Variants in CYB5R2 observed in about 807,000 individuals in gnomAD.
CYB5R2 encodes NADH-cytochrome b5 reductase 2.
In CYB5R2, 35 loss-of-function variants were observed where a neutral mutation model predicts 29.8. The ratio of observed to expected loss-of-function variants is 1.17; its 90% confidence interval spans 0.90 to 1.56. CYB5R2 has a LOEUF of 1.56. Among genes scored for constraint, CYB5R2 ranks in the 40% most tolerant of loss-of-function variants. The pLI is 0.00. For synonymous variants in CYB5R2, 169 were observed against 130.6 expected (o/e 1.29, Z -2.01); for missense variants, 419 against 346.7 (o/e 1.21, Z -1.66).
rs116522734 is a variant in CYB5R2 at position 7,672,938 on chromosome 11, G to A, written c.-66-47C>T. On this transcript the variant is annotated intron_variant, in intron 1 of 8. Transcript: ENST00000299498. ...GAGCACCTCAGGTCTTGCCCGCCCT[G>A]GACAGGGCAGCTCTCAGGCGCAGAA... The A allele has an allele frequency of 5.4e-4, 842 of 1,561,402 alleles. 8 individuals carry two copies. In the African/African-American group the frequency reaches 9.9e-3, roughly 18 times the overall value.
At position 7,672,776 on chromosome 11, in the gene CYB5R2, T is replaced by C; in HGVS notation, c.50A>G (p.Lys17Arg). 1 of 1,614,204 alleles carries C rather than the reference T, an allele frequency of 6.2e-7. No homozygotes were observed. The highest frequency in any genetic ancestry group is 8.5e-7 in the Non-Finnish European group (1 of 1,180,044). The change falls in exon 2 of 9, where the codon AAG becomes AGG. Residue 17 changes from lysine to arginine, a missense_variant. Lys to Arg is a conservative substitution (Grantham distance 26, BLOSUM62 2). Coordinates refer to ENST00000299498, the MANE Select transcript of CYB5R2 (RefSeq NM_016229.5). ...EPITLQDPEA[K>R]YPLPLIEKEK... ...TTTCTCAATCAAGGGCAGCGGGTACTTGGCTTCAGGGTCCTGTAAGGTGAT... is the reference window on the plus strand; with the variant it reads ...TTTCTCAATCAAGGGCAGCGGGTACCTGGCTTCAGGGTCCTGTAAGGTGAT...
chr11:7,669,384 G>T, intron 4 of CYB5R2, 50 bp from the exon 5 acceptor site: 2 of 1,564,688 alleles, frequency 1.3e-6, no homozygotes, highest in East Asian at 2.2e-5. Flanking sequence ...CAATGCCACA[G>T]CCACGTACAA....
chr11:7,670,684 T>C (rs77858117), intron 3 of CYB5R2: 2,698 of 152,338 alleles, frequency 0.018, 35 homozygotes, highest in Non-Finnish European at 0.029. Context: ...CAGAGACCTA[T>C]GGATCATGAC....
In CYB5R2 at chr11:7,669,652, GTCA is replaced by G. The variant is rs1184316914; in HGVS notation, c.228_230del (p.Asp77del). 2 of 1,609,652 alleles carry G rather than the reference GTCA, an allele frequency of 1.2e-6. No homozygotes were observed. The highest frequency in any genetic ancestry group is 2.2e-5 in the East Asian group (1 of 44,862). On this transcript the variant is annotated inframe_deletion, in exon 4 of 9. Transcript: ENST00000299498. ...TTATAATTAGGTCCACAAAGCCTCTGTCATCATCACTGGAGACAGGGGTGTAAG... is the reference window on the plus strand; with the variant it reads ...TTATAATTAGGTCCACAAAGCCTCTGTCATCACTGGAGACAGGGGTGTAAG...
At position 7,666,490 on chromosome 11, in the gene CYB5R2, G is replaced by T. The variant is rs1855237357; in HGVS notation, c.619C>A (p.Gln207Lys). Residue 207 changes from glutamine (Q) to lysine (K), a missense_variant, in exon 8 of 9, where the codon CAG (glutamine) becomes AAG (lysine). By Grantham distance (53) the Gln-to-Lys change is moderately conservative. Coordinates refer to ENST00000299498, the MANE Select transcript of CYB5R2 (RefSeq NM_016229.5). Reference sequence around the variant, plus strand: ...TCCAGGGTGTACCACAGGTTGAACTGGTCTGGGTGAGTCCTGGCAATTTCT... The same window carrying T: ...TCCAGGGTGTACCACAGGTTGAACTTGTCTGGGTGAGTCCTGGCAATTTCT... ...LEEIARTHPD[Q>K]FNLWYTLDRP... is the part of the protein sequence containing the mutation. The T allele has an allele frequency of 6.2e-7, 1 of 1,613,478 alleles. No homozygotes were observed. Among genetic ancestry groups the T allele is most frequent in the Non-Finnish European group, 8.5e-7 (1 of 1,179,522 alleles).
chr11:7,665,651 G>A lies in CYB5R2; in HGVS notation c.659-105C>T, dbSNP rs926344220. On this transcript the variant is annotated intron_variant, in intron 8 of 8. Transcript: ENST00000299498. ...TCAGCCAGGGAGGAGGTGACAAGCT[G>A]CTCTACAAAGGCTTAGAAGTCTGTA... 2.7e-5 allele frequency: 35 copies of A among 1,290,526 alleles called. No homozygotes were observed. The East Asian group carries it at 8.0e-4, about 29-fold the overall frequency. The allele number at this position is 1,290,526 out of a possible 1,614,324, so 79.9% of individuals were successfully genotyped here.
intron 1 of CYB5R2, 68 bp downstream of exon 1, chr11:7,673,351 G>C: frequency 2.9e-6 from 3 of 1,017,060 alleles, no homozygotes; most frequent in Non-Finnish European, 3.5e-6. Context: ...CAGTCTCCTG[G>C]ACAGGGCGAA....
chr11:7,669,658 ATCACTGGAGACAG>A lies in CYB5R2; in HGVS notation c.212_224del (p.Pro71LeufsTer9). 6.2e-7 allele frequency: 1 copy of A among 1,610,696 alleles called. No individual in the cohort carries two copies. The highest frequency in any genetic ancestry group is 8.5e-7 in the Non-Finnish European group (1 of 1,178,778). On this transcript the variant is annotated frameshift_variant, in exon 4 of 9. Coordinates refer to ENST00000299498, the MANE Select transcript of CYB5R2 (RefSeq NM_016229.5). LOFTEE classifies it high-confidence loss of function. Reference sequence around the variant, plus strand: ...TTAGGTCCACAAAGCCTCTGTCATCATCACTGGAGACAGGGGTGTAAGCCCTGACCACCAATTC... The same window carrying A: ...TTAGGTCCACAAAGCCTCTGTCATCAGGGTGTAAGCCCTGACCACCAATTC...
intron 8 of CYB5R2, 86 bp from the exon 9 acceptor site, chr11:7,665,632 A>G: frequency 7.2e-7 from 1 of 1,396,994 alleles, no homozygotes; most frequent in Non-Finnish European, 9.6e-7. Context: ...ACCCTCAGCC[A>G]GGGAGGAGGT....
rs1855057387 is a variant in CYB5R2, at chr11:7,665,438, T to C, written c.767A>G (p.Gln256Arg). The C allele has an allele frequency of 1.9e-6, 3 of 1,613,154 alleles. No individual in the cohort carries two copies. The highest frequency in any genetic ancestry group is 2.5e-6 in the Non-Finnish European group (3 of 1,179,730). ...CTCCAGGTTAGGGTGAGCCGCCGTC[T>C]GGATTAGTGGTGGCGGGCCACACAC... is the stretch of plus-strand genomic sequence containing the variant. ...ILVCGPPPLI[Q>R]TAAHPNLEKL... is the part of the protein sequence containing the mutation. The change falls in exon 9 of 9, where the codon CAG becomes CGG. Residue 256 changes from glutamine to arginine, a missense_variant. Physicochemically the swap from Gln to Arg is conservative, Grantham distance 43 (BLOSUM62 1). Transcript: ENST00000299498.
intron 6 of CYB5R2, 118 bp downstream of exon 6, chr11:7,668,360 C>G: frequency 1.2e-6 from 1 of 830,594 alleles, no homozygotes; most frequent in Non-Finnish European, 2.1e-6. Context: ...TCATCGTTCC[C>G]ACCTTCTACA....
chr11:7,666,415 C>G, intron 8 of CYB5R2, 36 bp downstream of exon 8: 2 of 1,392,510 alleles, frequency 1.4e-6, no homozygotes, highest in African/African-American at 1.4e-5. Flanking sequence ...AGGGTTGGTG[C>G]TGACCCATGG....
chr11:7,667,205 T>C (rs749092538), intron 7 of CYB5R2: 1 of 152,232 alleles, frequency 6.6e-6, no homozygotes, highest in Non-Finnish European at 1.5e-5. Context: ...ATCACCATAT[T>C]ATTTAGAACT....
chr11:7,670,414 C>G (rs1013791939), intron 3 of CYB5R2: 1 of 152,136 alleles, frequency 6.6e-6, no homozygotes, highest in African/African-American at 2.4e-5. Context: ...GTGGCCTTCA[C>G]AAACTCCTTT....
chr11:7,668,769 C>T (rs1030992142), intron 5 of CYB5R2: 17 of 610,958 alleles, frequency 2.8e-5, no homozygotes, highest in African/African-American at 1.1e-4. Flanking sequence ...TGGGCTTGGT[C>T]GGGGAATCGC....
intron 7 of CYB5R2, 22 bp downstream of exon 7, chr11:7,667,695 CATCCTACCACT>C: frequency 1.9e-6 from 3 of 1,562,618 alleles, no homozygotes; most frequent in Non-Finnish European, 2.6e-6. Context: ...GCAAACATTC[CATCCTACCACT>C]GCAAGCTCAG....
chr11:7,673,888 G>GCAA (rs1218889486), upstream of CYB5R2: 1 of 999,166 alleles, frequency 1.0e-6, no homozygotes, highest in Non-Finnish European at 1.2e-6. Flanking sequence ...GGACCCCGCA[G>GCAA]GCTGGGACCC....
chr11:7,669,460 G>A (rs1045638888), intron 4 of CYB5R2, 126 bp from the exon 5 acceptor site: 96 of 1,290,452 alleles, frequency 7.4e-5, no homozygotes, highest in Middle Eastern at 3.9e-4. Flanking sequence ...ATTGTTGTAC[G>A]CAATCCCTGA....
chr11:7,667,908 G>C (rs1238210781), intron 6 of CYB5R2, 95 bp from the exon 7 acceptor site: 1 of 1,020,098 alleles, frequency 9.8e-7, no homozygotes, highest in Non-Finnish European at 1.5e-6. Flanking sequence ...CCCAGCCCAA[G>C]TTATCCTTTT....
Sources: allele counts gnomAD v4.1 joint callset, GRCh38; gene constraint gnomAD v4.1.1; transcripts MANE v1.5; gene names NCBI Gene and HGNC (gene_info 2026-07-23, HGNC 2026-07-21).